Variants in SMARCA4 observed in about 807,000 individuals in gnomAD.
SMARCA4 encodes the protein SWI/SNF-related matrix-associated actin-dependent regulator of chromatin subfamily A member 4.
In SMARCA4, 31 loss-of-function variants were observed where a neutral mutation model predicts 193.9. The ratio of observed to expected loss-of-function variants is 0.16; its 90% CI spans 0.12 to 0.22. The LOEUF (loss-of-function observed/expected upper bound fraction) is 0.22, where lower values mean the gene tolerates loss of function less well. SMARCA4 is among the 10% of genes least tolerant of loss of function. The pLI, the probability that SMARCA4 is intolerant of heterozygous loss-of-function variation, is 1.00. For synonymous variants in SMARCA4, 942 were observed against 933.1 expected (o/e 1.01, Z -0.17); for missense variants, 1,148 against 2,296.0 (o/e 0.50, Z 10.22).
At chr19:10,971,774 CTTTTTTT>C (rs35918034) in intron 1 of SMARCA4, among the ~76,000 whole-genome samples, 1 of 128,440 alleles carries the variant, frequency 7.8e-6, no homozygotes, top group African/African-American at 2.9e-5. Flanking sequence ...ACCCTGAATA[CTTTTTTT>C]TTTTTTTTTT....
chr19:11,058,663 G>T lies in SMARCA4; in HGVS notation c.4534-125G>T. 1.2e-6 allele frequency: 1 copy of T among 816,564 alleles called. No individual in the cohort carries two copies. Among genetic ancestry groups the T allele is most frequent in the African/African-American group, 1.7e-5 (1 of 59,346 alleles). 50.6% of individuals were successfully genotyped at this position (816,564 alleles called of 1,614,324 possible). A position where few individuals can be genotyped will look rare whatever the true frequency, so the allele number is the denominator to read the frequency against. ...CTAGTGAGCCAGGTTACCGAGGCTG[G>T]CGCTTCGGCCACATCCTCATAGGCA... On this transcript the variant is annotated intron_variant, in intron 31 of 34. Coordinates refer to ENST00000344626, the MANE Select transcript of SMARCA4 (RefSeq NM_003072.5). The surrounding 1 kb of genome is among the most constrained non-coding windows in gnomAD (Gnocchi z 5.8).
rs61761958 is a variant in SMARCA4, at chr19:11,041,363, A to T, written c.4227A>T (p.Ser1409=). The change falls in exon 30 of 35, where the codon TCA becomes TCT. Residue 1409 remains serine (S), a synonymous_variant. Transcript: ENST00000344626. This position sits in a 1 kb window ranked among gnomAD's most constrained non-coding sequence, Gnocchi z 5.6. ...EIEEEVRQKK[S]SRKRKRDSDA... The stretch of plus-strand genomic sequence containing the variant: ...AAGAGGAGGTCCGGCAGAAGAAATC[A>T]TCACGGAAGCGCAAGCGAGACAGCG... 2 of 1,612,644 alleles carry T rather than the reference A, an allele frequency of 1.2e-6. No homozygotes were observed. The highest frequency in any genetic ancestry group is 1.7e-6 in the Non-Finnish European group (2 of 1,180,006).
chr19:11,012,911 G>A lies in SMARCA4; in HGVS notation c.2275-38G>A, dbSNP rs191503252. 358 of 1,611,526 alleles carry A rather than the reference G, an allele frequency of 2.2e-4. 1 individual carries two copies. The African/African-American group carries it at 3.6e-3, about 16-fold the overall frequency. ...GGGAGGACCCTCTGGTGTCCGACCC[G>A]GCCTTCAGTCCTGGCGTGGCCGCAT... On this transcript the variant is annotated intron_variant, in intron 15 of 34. Coordinates refer to ENST00000344626, the MANE Select transcript of SMARCA4 (RefSeq NM_003072.5).
intron 9 of SMARCA4, 166 bp from the exon 10 acceptor site, chr19:10,996,047 G>A: frequency 2.6e-6 from 2 of 775,414 alleles, no homozygotes; most frequent in South Asian, 1.4e-5. Flanking sequence ...TGGGTTTTGA[G>A]GAAATGATTC....
At chr19:11,024,464 AT>A (rs771870072) in intron 21 of SMARCA4, 26 bp downstream of exon 21, 3 of 1,463,924 alleles carry the variant, frequency 2.0e-6, no homozygotes, top group South Asian at 1.1e-5. Flanking sequence ...CCCCAACTGC[AT>A]TCCCCACTGG....
intron 1 of SMARCA4, among the ~76,000 whole-genome samples, chr19:10,978,263 C>A (rs1179934807): frequency 6.6e-6 from 1 of 152,138 alleles, no homozygotes; most frequent in African/African-American, 2.4e-5. Flanking sequence ...TAAATAGGAC[C>A]CCAGAAATGT....
chr19:11,023,114 C>T (rs374494406), intron 19 of SMARCA4, among the ~76,000 whole-genome samples: 218 of 152,312 alleles, frequency 1.4e-3, no homozygotes, highest in African/African-American at 4.4e-3. Flanking sequence ...GAGAATCACC[C>T]GCTATAAGCC....
chr19:10,983,394 C>T (rs1365772866), intron 1 of SMARCA4: 1 of 148,820 alleles, frequency 6.7e-6, no homozygotes, highest in African/African-American at 2.5e-5. Context: ...CCATAAATAT[C>T]TGTTTTGGCT....
At position 11,019,298 on chromosome 19, in the gene SMARCA4, G is replaced by A. The variant is rs2089648302; in HGVS notation, c.2505+275G>A. 1 of 606,512 alleles carries A rather than the reference G, an allele frequency of 1.6e-6. No homozygotes were observed. The highest frequency in any genetic ancestry group is 1.8e-5 in the African/African-American group (1 of 54,192). The allele number at this position is 606,512 out of a possible 1,614,324, so 37.6% of individuals were successfully genotyped here. On this transcript the variant is annotated intron_variant, in intron 17 of 34. Coordinates refer to ENST00000344626, the MANE Select transcript of SMARCA4 (RefSeq NM_003072.5). This position sits in a 1 kb window ranked among gnomAD's most constrained non-coding sequence, Gnocchi z 6.1. ...GGCGCCTGAGATGGGGACCCAGGAA[G>A]AGGGGAGCCTGTCAGCCACCAGGAA...
intron 19 of SMARCA4, 95 bp from the exon 20 acceptor site, chr19:11,023,423 C>T (rs956015981): frequency 3.3e-5 from 27 of 817,072 alleles, no homozygotes; most frequent in Non-Finnish European, 4.8e-5. Flanking sequence ...CAGGGGACCC[C>T]GTCCACCCTG....
At chr19:11,009,310 G>A (rs573936864) in intron 14 of SMARCA4, among the ~76,000 whole-genome samples, 9 of 151,958 alleles carry the variant, frequency 5.9e-5, no homozygotes, top group African/African-American at 1.4e-4. Flanking sequence ...GTGAGCCACC[G>A]CACCTGGCCA....
chr19:10,986,821 C>T lies in SMARCA4; in HGVS notation c.761-84C>T. ...TTAATAGGTGTATCTGCTGTGTCCCCTGGAGCCAGGGCTGCCCACGGGGCT... is the reference window on the plus strand; with the variant it reads ...TTAATAGGTGTATCTGCTGTGTCCCTTGGAGCCAGGGCTGCCCACGGGGCT... On this transcript the variant is annotated intron_variant, in intron 4 of 34. Coordinates refer to ENST00000344626, the MANE Select transcript of SMARCA4 (RefSeq NM_003072.5). This position sits in a 1 kb window ranked among gnomAD's most constrained non-coding sequence, Gnocchi z 6.7. The T allele has an allele frequency of 7.5e-7, 1 of 1,335,748 alleles. No homozygotes were observed. The highest frequency in any genetic ancestry group is 1.1e-6 in the Non-Finnish European group (1 of 932,138). The allele number at this position is 1,335,748 out of a possible 1,614,324, so 82.7% of individuals were successfully genotyped here.
rs116212676 is a variant in SMARCA4 at position 11,004,004 on chromosome 19, G to A, written c.2001+607G>A. Among the ~76,000 whole-genome samples the A allele has an allele frequency of 8.2e-3, 1,238 of 151,722 alleles. 20 individuals are homozygous for A. Among genetic ancestry groups the A allele is most frequent in the African/African-American group, 0.029 (1,184 of 41,336 alleles). Reference sequence around the variant, plus strand: ...TGGGATTACAGACATGAACCTCCACGTCCGACTTATGATTTTTTTGTTGTT... The same window carrying A: ...TGGGATTACAGACATGAACCTCCACATCCGACTTATGATTTTTTTGTTGTT... On this transcript the variant is annotated intron_variant, in intron 13 of 34. Coordinates refer to ENST00000344626, the MANE Select transcript of SMARCA4 (RefSeq NM_003072.5).
At chr19:11,010,786 G>A (rs2088757005) in intron 15 of SMARCA4, 1 of 526,218 alleles carries the variant, frequency 1.9e-6, no homozygotes, top group Admixed American at 2.8e-5. Context: ...CAGAGTGGGA[G>A]CGATTTGCAC....
intron 24 of SMARCA4, among the ~76,000 whole-genome samples, chr19:11,029,308 G>A (rs1420796940): frequency 6.6e-6 from 1 of 152,262 alleles, no homozygotes; most frequent in East Asian, 1.9e-4. Context: ...TCCCCCAGGA[G>A]AGAGCCTGGT....
At position 11,041,966 on chromosome 19, in the gene SMARCA4, G is replaced by T. The variant is rs1285955269; in HGVS notation, c.4424+406G>T. Among the ~76,000 whole-genome samples, 1 of 152,174 alleles carries T rather than the reference G, an allele frequency of 6.6e-6. No individual in the cohort carries two copies. The highest frequency in any genetic ancestry group is 1.5e-5 in the Non-Finnish European group (1 of 68,020). ...GGATGAGGGGTTATATGGCAGTAAT[G>T]GGTGCTGCCCGTGTGGCCAGGAGGT... On this transcript the variant is annotated intron_variant, in intron 30 of 34. Coordinates refer to ENST00000344626, the MANE Select transcript of SMARCA4 (RefSeq NM_003072.5). This position sits in a 1 kb window ranked among gnomAD's most constrained non-coding sequence, Gnocchi z 5.6.
chr19:10,962,266 C>T (rs2083870316), intron 1 of SMARCA4, among the ~76,000 whole-genome samples: 1 of 152,108 alleles, frequency 6.6e-6, no homozygotes, highest in Non-Finnish European at 1.5e-5. Context: ...AAGCGGGAAG[C>T]ACTATTGTAA....
intron 32 of SMARCA4, chr19:11,059,122 G>C (rs1384791289): frequency 2.1e-6 from 1 of 473,486 alleles, no homozygotes; most frequent in Non-Finnish European, 3.8e-6. Context: ...AAAAAAAAAA[G>C]AAAAAATTAA....
chr19:11,023,742 A>G (rs2090040271), intron 20 of SMARCA4, 111 bp downstream of exon 20: 1 of 739,556 alleles, frequency 1.4e-6, no homozygotes. Context: ...GCCCTGGTCA[A>G]TCCAGCTTGG....
Sources: allele counts gnomAD v4.1 joint callset (sites outside exome capture counted in the v4.1 genomes callset), GRCh38; gene constraint gnomAD v4.1.1; non-coding constraint Gnocchi (gnomAD v3.1); transcripts MANE v1.5; gene names NCBI Gene and HGNC (gene_info 2026-07-23, HGNC 2026-07-21).